The following ARPC2 variants were observed in gnomAD, a reference collection of about 807,000 sequenced individuals.
The protein encoded by ARPC2 is actin-related protein 2/3 complex subunit 2.
A neutral mutation model predicts 38.6 loss-of-function variants in ARPC2; 4 were observed. The observed-to-expected ratio is 0.10, with a 90% CI of 0.05 to 0.24. The LOEUF (loss-of-function observed/expected upper bound fraction) is 0.24. ARPC2 is among the 10% of genes least tolerant of loss of function. ARPC2 has a pLI of 1.00. For synonymous variants in ARPC2, 125 were observed against 140.8 expected (o/e 0.89, Z 0.79); for missense variants, 229 against 387.3 (o/e 0.59, Z 3.43).
At chr2:218,248,832 T>C (rs939890707) in intron 8 of ARPC2, among the ~76,000 whole-genome samples, 131 of 152,344 alleles carry the variant, frequency 8.6e-4, no homozygotes, top group African/African-American at 2.9e-3. Flanking sequence ...CAGCTCCTCC[T>C]GCCTGGCCTA....
intron 4 of ARPC2, among the ~76,000 whole-genome samples, chr2:218,232,670 C>T (rs997492819): frequency 7.3e-5 from 11 of 151,140 alleles, no homozygotes; most frequent in African/African-American, 1.7e-4. Flanking sequence ...CCCGGGTTCA[C>T]GCCATTCTCC....
chr2:218,248,071 C>T (rs1018173308), intron 8 of ARPC2, among the ~76,000 whole-genome samples: 1 of 152,070 alleles, frequency 6.6e-6, no homozygotes, highest in Non-Finnish European at 1.5e-5. Context: ...TGTGCCACTG[C>T]GCCCAGCCAG....
chr2:218,252,285 A>G (rs1039156953), intron 10 of ARPC2, among the ~76,000 whole-genome samples: 1 of 152,170 alleles, frequency 6.6e-6, no homozygotes, highest in Admixed American at 6.5e-5. Context: ...TCTCTGTAGC[A>G]GCTCAGAGAG....
At chr2:218,226,283 C>T (rs1249211015) in intron 3 of ARPC2, among the ~76,000 whole-genome samples, 4 of 149,210 alleles carry the variant, frequency 2.7e-5, no homozygotes, top group Non-Finnish European at 4.4e-5. Flanking sequence ...TACAGTGAGA[C>T]TGTCTCAAAA....
intron 7 of ARPC2, among the ~76,000 whole-genome samples, chr2:218,243,273 C>T (rs1397472717): frequency 6.6e-6 from 1 of 152,062 alleles, no homozygotes; most frequent in East Asian, 1.9e-4. Flanking sequence ...GGATTTATTC[C>T]GAACTTCCTA....
chr2:218,244,688 A>G (rs1014098167), intron 7 of ARPC2, among the ~76,000 whole-genome samples: 7 of 152,246 alleles, frequency 4.6e-5, no homozygotes, highest in African/African-American at 1.7e-4. Context: ...CAGCAGTAGA[A>G]GGGCACGCAG....
chr2:218,243,535 T>C (rs558930082), intron 7 of ARPC2, among the ~76,000 whole-genome samples: 2 of 152,318 alleles, frequency 1.3e-5, no homozygotes, highest in South Asian at 4.1e-4. Flanking sequence ...CCCAGCACTT[T>C]GCGGGGCCTA....
chr2:218,249,808 T>G lies in ARPC2; in HGVS notation c.778-13T>G, dbSNP rs752840926. On this transcript the variant is annotated splice_polypyrimidine_tract_variant and intron_variant, in intron 9 of 10. Transcript: ENST00000315717. ...CATGACTGTGCTTTAGTACCTGTTA[T>G]GTTTGTTCCCAGGCCTATATTCACA... The G allele has an allele frequency of 1.2e-6, 2 of 1,608,704 alleles. No homozygotes were observed. The highest frequency in any genetic ancestry group is 8.5e-7 in the Non-Finnish European group (1 of 1,175,930).
rs1477190815 is a variant in ARPC2 at position 218,217,574 on chromosome 2, G to A, written c.74+30G>A. On this transcript the variant is annotated intron_variant, in intron 2 of 10. Transcript: ENST00000315717. The stretch of plus-strand genomic sequence containing the variant: ...GCGCGCGCCCGGGGCCGGGGGTGGC[G>A]GGGGAAGCAGAGTTGACCCCAGCTA... The A allele has an allele frequency of 2.5e-6, 4 of 1,590,992 alleles. No homozygotes were observed. In the African/African-American group the frequency reaches 5.4e-5, roughly 21 times the overall value.
intron 8 of ARPC2, among the ~76,000 whole-genome samples, chr2:218,247,682 G>T (rs1354536222): frequency 1.3e-5 from 2 of 151,932 alleles, no homozygotes; most frequent in Non-Finnish European, 2.9e-5. Flanking sequence ...GGTGGCTCAC[G>T]CCTGTAATCC....
chr2:218,234,442 G>A (rs1208963913), intron 5 of ARPC2, 45 bp downstream of exon 5: 1 of 1,448,462 alleles, frequency 6.9e-7, no homozygotes, highest in Non-Finnish European at 9.5e-7. Context: ...GGGAAGAGAG[G>A]TGTCCTTTTT....
At chr2:218,236,531 G>A (rs547332845) in intron 5 of ARPC2, 1 of 152,262 alleles carries the variant, frequency 6.6e-6, no homozygotes, top group Admixed American at 6.5e-5. Flanking sequence ...GGTGGCTTAT[G>A]CCTGTAATCC....
At chr2:218,227,545 G>A (rs989666856) in intron 3 of ARPC2, among the ~76,000 whole-genome samples, 2 of 150,332 alleles carry the variant, frequency 1.3e-5, no homozygotes, top group African/African-American at 4.9e-5. Flanking sequence ...TCCTGCCTCC[G>A]CCTCTCAAGT....
At position 218,254,106 on chromosome 2, in the gene ARPC2, A is replaced by T. The variant is rs1197420721; in HGVS notation, c.*191A>T. The T allele has an allele frequency of 5.7e-6, 3 of 525,814 alleles. No homozygotes were observed. The highest frequency in any genetic ancestry group is 9.5e-6 in the Non-Finnish European group (3 of 314,208). The allele number at this position is 525,814 out of a possible 1,614,324, so 32.6% of individuals were successfully genotyped here. On this transcript the variant is annotated 3_prime_UTR_variant, in exon 11 of 11. Coordinates refer to ENST00000315717, the MANE Select transcript of ARPC2 (RefSeq NM_152862.3). ...TGCAAAGACTTCATAGTTCCCAAGA[A>T]TTAAAAAAAAAAAAAAAAGAATTCC...
rs1689267992 is a variant in ARPC2 at position 218,217,273 on chromosome 2, T to TGGGG, written c.-9+20_-9+21insGGGG. The TGGGG allele has an allele frequency of 5.4e-6, 3 of 558,986 alleles. No homozygotes were observed. The highest frequency in any genetic ancestry group is 3.3e-5 in the East Asian group (1 of 30,388). 34.6% of individuals were successfully genotyped at this position (558,986 alleles called of 1,614,324 possible). ...GGGCCAGGTCGGTTGGGTGGGTGGG[T>TGGGG]GTCTCCACAGTCTGCGTGCGTGGGC... On this transcript the variant is annotated intron_variant, in intron 1 of 10. Coordinates refer to ENST00000315717, the MANE Select transcript of ARPC2 (RefSeq NM_152862.3).
chr2:218,231,310 T>A (rs1689627765), intron 4 of ARPC2, among the ~76,000 whole-genome samples: 1 of 152,188 alleles, frequency 6.6e-6, no homozygotes, highest in Non-Finnish European at 1.5e-5. Context: ...TGGCTGGTTT[T>A]ACCAAGGGGA....
At chr2:218,238,181 G>A (rs905847984) in intron 5 of ARPC2, among the ~76,000 whole-genome samples, 15 of 152,156 alleles carry the variant, frequency 9.9e-5, no homozygotes, top group Non-Finnish European at 2.2e-4. Context: ...GCAGTGGCAC[G>A]TAGAAGGGTT....
chr2:218,238,569 C>T, intron 5 of ARPC2, 95 bp from the exon 6 acceptor site: 1 of 947,576 alleles, frequency 1.1e-6, no homozygotes, highest in Non-Finnish European at 1.5e-6. Context: ...TCTCTGTTTA[C>T]TTGGTATAGA....
intron 2 of ARPC2, among the ~76,000 whole-genome samples, chr2:218,223,069 A>T (rs192542130): frequency 6.6e-5 from 10 of 152,300 alleles, no homozygotes; most frequent in African/African-American, 2.4e-4. Flanking sequence ...ACCGTTTGAG[A>T]AACTTTGCTG....
Sources: allele counts gnomAD v4.1 joint callset (sites outside exome capture counted in the v4.1 genomes callset), GRCh38; gene constraint gnomAD v4.1.1; transcripts MANE v1.5; gene names NCBI Gene and HGNC (gene_info 2026-07-23, HGNC 2026-07-21).